Variants in RPRD1B observed in about 807,000 individuals in gnomAD.
RPRD1B encodes regulation of nuclear pre-mRNA domain-containing protein 1B.
In RPRD1B, 11 loss-of-function variants were observed where a neutral mutation model predicts 41.5. That is an observed-to-expected ratio of 0.27 (90% CI 0.17 to 0.44). The LOEUF (loss-of-function observed/expected upper bound fraction) is 0.44. RPRD1B is among the 20% of genes least tolerant of loss of function. The pLI is 1.00. For synonymous variants in RPRD1B, 158 were observed against 155.6 expected, an observed-to-expected ratio of 1.02 and a Z score of -0.12; for missense variants, 248 against 389.9, an observed-to-expected ratio of 0.64 and a Z score of 3.06.
chr20:38,081,044 TTTTG>T (rs1396713871), intron 6 of RPRD1B, among the ~76,000 whole-genome samples: 2 of 152,190 alleles, frequency 1.3e-5, no homozygotes, highest in African/African-American at 4.8e-5. Context: ...TTTCTCTTTG[TTTTG>T]TTTTTGTTAG....
chr20:38,054,017 A>G (rs1006020940), intron 3 of RPRD1B, among the ~76,000 whole-genome samples: 6 of 152,176 alleles, frequency 3.9e-5, no homozygotes, highest in African/African-American at 1.2e-4. Context: ...GAAAGGAGCA[A>G]CTAGAGGCGG....
chr20:38,057,795 C>T lies in RPRD1B; in HGVS notation c.528+151C>T. The T allele has an allele frequency of 5.3e-6, 3 of 564,380 alleles. No homozygotes were observed. The South Asian group carries it at 7.8e-5, about 15-fold the overall frequency. 35.0% of individuals were successfully genotyped at this position (564,380 alleles called of 1,614,324 possible). A position where few individuals can be genotyped will look rare whatever the true frequency, so the allele number is the denominator to read the frequency against. Reference sequence around the variant, plus strand: ...CCGTGCATCATCCTGCCCAAAGGAGCTTGCCGGATGGCAGGTGTCAGTATG... The same window carrying T: ...CCGTGCATCATCCTGCCCAAAGGAGTTTGCCGGATGGCAGGTGTCAGTATG... On this transcript the variant is annotated intron_variant, in intron 4 of 6. Coordinates refer to ENST00000373433, the MANE Select transcript of RPRD1B (RefSeq NM_021215.4).
intron 6 of RPRD1B, among the ~76,000 whole-genome samples, chr20:38,088,923 C>T (rs1009908589): frequency 1.3e-5 from 2 of 152,114 alleles, no homozygotes; most frequent in East Asian, 1.9e-4. Flanking sequence ...TTTGCTAGGG[C>T]TAGGAGAAGA....
At chr20:38,085,913 C>T (rs368604862) in intron 6 of RPRD1B, among the ~76,000 whole-genome samples, 4 of 149,164 alleles carry the variant, frequency 2.7e-5, no homozygotes, top group African/African-American at 1.0e-4. Flanking sequence ...GATCTTGGCT[C>T]ACTGCAGTCT....
chr20:38,070,228 G>C (rs2074398259), intron 6 of RPRD1B: 2 of 985,328 alleles, frequency 2.0e-6, no homozygotes, highest in South Asian at 4.7e-5. Flanking sequence ...GCTTCAGGGT[G>C]TCATGATTGA....
At chr20:38,050,437 A>G (rs1442860687) in intron 3 of RPRD1B, among the ~76,000 whole-genome samples, 1 of 152,188 alleles carries the variant, frequency 6.6e-6, no homozygotes, top group South Asian at 2.1e-4. Context: ...TCTTCAGTAC[A>G]GCTTTGGGGA....
chr20:38,041,762 G>A (rs1260160285), intron 2 of RPRD1B, among the ~76,000 whole-genome samples: 1 of 152,170 alleles, frequency 6.6e-6, no homozygotes, highest in Non-Finnish European at 1.5e-5. Context: ...TTCCTAACTG[G>A]CTAAAGGGGG....
intron 6 of RPRD1B, among the ~76,000 whole-genome samples, chr20:38,071,793 C>G (rs1413269512): frequency 3.3e-5 from 5 of 152,218 alleles, no homozygotes; most frequent in Non-Finnish European, 7.3e-5. Context: ...CGATACTGAT[C>G]ATCTTTCAGT....
At chr20:38,066,942 A>G (rs1600421830) in intron 6 of RPRD1B, among the ~76,000 whole-genome samples, 1 of 152,160 alleles carries the variant, frequency 6.6e-6, no homozygotes, top group African/African-American at 2.4e-5. Context: ...GGTGTGAGCC[A>G]CCGCGCCCAG....
At chr20:38,050,002 T>C (rs1029492586) in intron 3 of RPRD1B, among the ~76,000 whole-genome samples, 1 of 152,218 alleles carries the variant, frequency 6.6e-6, no homozygotes, top group African/African-American at 2.4e-5. Flanking sequence ...CTTCTACCGC[T>C]TTCACTGTGT....
At chr20:38,076,651 C>T in intron 6 of RPRD1B, among the ~76,000 whole-genome samples, 1 of 152,174 alleles carries the variant, frequency 6.6e-6, no homozygotes, top group Admixed American at 6.5e-5. Context: ...GAATTTCCCC[C>T]CTTCCCCCCA....
At position 38,090,388 on chromosome 20, in the gene RPRD1B, TAAAG is replaced by T. The variant is rs1038206811; in HGVS notation, c.*515_*518del. On this transcript the variant is annotated 3_prime_UTR_variant, in exon 7 of 7. Coordinates refer to ENST00000373433, the MANE Select transcript of RPRD1B (RefSeq NM_021215.4). ...AGGCACAGCTGTCGTAGCGTTGCCATAAAGAGTTTGCCAAATCTCTGATCCTCCC... is the reference window on the plus strand; with the variant it reads ...AGGCACAGCTGTCGTAGCGTTGCCATAGTTTGCCAAATCTCTGATCCTCCC... 4 of 986,040 alleles carry T rather than the reference TAAAG, an allele frequency of 4.1e-6. No homozygotes were observed. The African/African-American group carries it at 5.2e-5, about 13-fold the overall frequency. The allele number at this position is 986,040 out of a possible 1,614,324, so 61.1% of individuals were successfully genotyped here. A position where few individuals can be genotyped will look rare whatever the true frequency, so the allele number is the denominator to read the frequency against.
chr20:38,044,233 A>G (rs1301658081), intron 2 of RPRD1B, among the ~76,000 whole-genome samples: 1 of 152,196 alleles, frequency 6.6e-6, no homozygotes, highest in Non-Finnish European at 1.5e-5. Flanking sequence ...TAATTCCTCT[A>G]GCACTGAGTT....
intron 6 of RPRD1B, among the ~76,000 whole-genome samples, chr20:38,088,863 A>G (rs906104646): frequency 6.6e-6 from 1 of 152,160 alleles, no homozygotes; most frequent in Non-Finnish European, 1.5e-5. Flanking sequence ...GGATTTTCCT[A>G]GAGAGGTGGA....
chr20:38,039,194 A>G (rs1486172286), intron 1 of RPRD1B, among the ~76,000 whole-genome samples: 1 of 152,214 alleles, frequency 6.6e-6, no homozygotes, highest in African/African-American at 2.4e-5. Flanking sequence ...CACATTTCAT[A>G]TAAATAAGAG....
chr20:38,091,378 T>C lies in RPRD1B; in HGVS notation c.*1503T>C, dbSNP rs964286391. On this transcript the variant is annotated 3_prime_UTR_variant, in exon 7 of 7. Coordinates refer to ENST00000373433, the MANE Select transcript of RPRD1B (RefSeq NM_021215.4). ...CGGGCTTCCCTTCCAGAAGCTCTCCTGCTTGTCATGAAGTGAGAACAATGA... is the reference window on the plus strand; with the variant it reads ...CGGGCTTCCCTTCCAGAAGCTCTCCCGCTTGTCATGAAGTGAGAACAATGA... 213 of 985,482 alleles carry C rather than the reference T, an allele frequency of 2.2e-4. 2 individuals carry two copies. The highest frequency in any genetic ancestry group is 5.2e-4 in the Middle Eastern group (1 of 1,914). 61.0% of individuals were successfully genotyped at this position (985,482 alleles called of 1,614,324 possible).
intron 1 of RPRD1B, among the ~76,000 whole-genome samples, chr20:38,037,353 G>A (rs1254711466): frequency 2.6e-5 from 4 of 152,098 alleles, no homozygotes; most frequent in Non-Finnish European, 5.9e-5. Context: ...GTAGGTAATG[G>A]GCTTTTATTG....
chr20:38,047,037 C>T (rs887735954), intron 2 of RPRD1B, among the ~76,000 whole-genome samples: 7 of 152,050 alleles, frequency 4.6e-5, no homozygotes, highest in Non-Finnish European at 8.8e-5. Flanking sequence ...GATGATAGTG[C>T]CTTGGGCCAG....
At chr20:38,082,051 A>G (rs981318770) in intron 6 of RPRD1B, among the ~76,000 whole-genome samples, 4 of 152,188 alleles carry the variant, frequency 2.6e-5, no homozygotes, top group African/African-American at 9.7e-5. Flanking sequence ...TTGGTATCAG[A>G]ATGATGCTGG....
Sources: allele counts gnomAD v4.1 joint callset (sites outside exome capture counted in the v4.1 genomes callset), GRCh38; gene constraint gnomAD v4.1.1; transcripts MANE v1.5; gene names NCBI Gene and HGNC (gene_info 2026-07-23, HGNC 2026-07-21).